PARD3B: variants seen among roughly 807,000 people sequenced by gnomAD.
The protein encoded by PARD3B is partitioning defective 3 homolog B.
PARD3B carries 103 observed loss-of-function variants against 130.2 expected under a neutral mutation model. The ratio of observed to expected loss-of-function variants is 0.79; its 90% CI spans 0.67 to 0.93. The LOEUF (loss-of-function observed/expected upper bound fraction) is 0.93. PARD3B is among the 40% of genes least tolerant of loss of function. The pLI, the probability that PARD3B is intolerant of heterozygous loss-of-function variation, is 0.00. For missense variants in PARD3B, 1,609 were observed against 1,499.2 expected (o/e 1.07, Z -1.21); for synonymous variants, 583 against 553.2 (o/e 1.05, Z -0.76).
At chr2:205,403,712 A>G (rs536894069) in intron 19 of PARD3B, among the ~76,000 whole-genome samples, 2 of 152,300 alleles carry the variant, frequency 1.3e-5, no homozygotes, top group African/African-American at 4.8e-5. Flanking sequence ...CACAAGCCCA[A>G]GGTGATTCGT....
At chr2:204,860,977 A>C (rs2045160075) in intron 2 of PARD3B, among the ~76,000 whole-genome samples, 1 of 152,280 alleles carries the variant, frequency 6.6e-6, no homozygotes, top group South Asian at 2.1e-4. Flanking sequence ...TTCCCTGCAA[A>C]TGCTATACAT....
chr2:205,060,439 CAG>C (rs1700001545), intron 4 of PARD3B, among the ~76,000 whole-genome samples: 1 of 152,082 alleles, frequency 6.6e-6, no homozygotes, highest in African/African-American at 2.4e-5. Flanking sequence ...CTGAAAGCAG[CAG>C]AGTTTTAGAA....
At position 205,386,098 on chromosome 2, in the gene PARD3B, T is replaced by C. The variant is rs140985688; in HGVS notation, c.2631-14915T>C. On this transcript the variant is annotated intron_variant, in intron 18 of 22. Transcript: ENST00000406610. ...TTTTAGAGCTCTAGATCTGCAATTC[T>C]GCGATATTACAAAGTCTGGAATCGT... Among the ~76,000 whole-genome samples, 1,045 of 152,322 alleles carry C rather than the reference T, an allele frequency of 6.9e-3. 9 individuals are homozygous for C. Among genetic ancestry groups the C allele is most frequent in the African/African-American group, 0.024 (986 of 41,570 alleles).
rs1428321064 is a variant in PARD3B, at chr2:205,011,263, T to A, written c.395-36318T>A. The stretch of plus-strand genomic sequence containing the variant: ...CAGGCATGGCTTAGCTTGGTGATTC[T>A]GGCTCGGGGTTTCCCAAGAGTCTGT... On this transcript the variant is annotated intron_variant, in intron 3 of 22. Coordinates refer to ENST00000406610, the MANE Select transcript of PARD3B (RefSeq NM_001302769.2). This position sits in a 1 kb window ranked among gnomAD's most constrained non-coding sequence, Gnocchi z 4.1. 6.6e-6 allele frequency among the ~76,000 whole-genome samples: 1 copy of A among 152,238 alleles called. No homozygotes were observed. Among genetic ancestry groups the A allele is most frequent in the Non-Finnish European group, 1.5e-5 (1 of 68,028 alleles).
Position 205,226,234 on chromosome 2 carries a change from G to C in PARD3B, c.2141-19544G>C, listed in dbSNP as rs539403071. On this transcript the variant is annotated intron_variant, in intron 15 of 22. Transcript: ENST00000406610. Reference sequence around the variant, plus strand: ...TTTTTTGTGTTTTTAGTAGAGACGAGGTTTCATCGTGTTAGCCAGGATGGT... The same window carrying C: ...TTTTTTGTGTTTTTAGTAGAGACGACGTTTCATCGTGTTAGCCAGGATGGT... 1.6e-4 allele frequency among the ~76,000 whole-genome samples: 24 copies of C among 152,260 alleles called. 1 individual carries two copies. The South Asian group carries it at 4.4e-3, about 28-fold the overall frequency.
Position 205,470,667 on chromosome 2 carries a change from C to T in PARD3B, c.3045-29229C>T, listed in dbSNP as rs1372529339. Among the ~76,000 whole-genome samples, 1 of 152,182 alleles carries T rather than the reference C, an allele frequency of 6.6e-6. No homozygotes were observed. On this transcript the variant is annotated intron_variant, in intron 20 of 22. Transcript: ENST00000406610. This position sits in a 1 kb window ranked among gnomAD's most constrained non-coding sequence, Gnocchi z 4.8. Reference sequence around the variant, plus strand: ...GGCAACCCTGTCTCCCACTTAGATCCTCTGGCTTAGAAACTACTGAAGATC... The same window carrying T: ...GGCAACCCTGTCTCCCACTTAGATCTTCTGGCTTAGAAACTACTGAAGATC...
intron 2 of PARD3B, among the ~76,000 whole-genome samples, chr2:204,798,425 T>C (rs979373877): frequency 2.0e-5 from 3 of 152,074 alleles, no homozygotes; most frequent in Non-Finnish European, 4.4e-5. Context: ...GCTAAAGCAC[T>C]CCGGGGTTCT....
intron 22 of PARD3B, among the ~76,000 whole-genome samples, chr2:205,608,599 A>T (rs2055107509): frequency 6.6e-6 from 1 of 152,156 alleles, no homozygotes; most frequent in Admixed American, 6.5e-5. Flanking sequence ...TGTTCTCAGC[A>T]CCCACTTTAA....
chr2:204,826,165 A>G (rs2043562627), intron 2 of PARD3B, among the ~76,000 whole-genome samples: 1 of 152,158 alleles, frequency 6.6e-6, no homozygotes, highest in East Asian at 1.9e-4. Context: ...GAAAAGTATT[A>G]TATAGTTTGG....
At chr2:205,586,355 C>T (rs1006943865) in intron 22 of PARD3B, among the ~76,000 whole-genome samples, 15 of 152,204 alleles carry the variant, frequency 9.9e-5, no homozygotes, top group Non-Finnish European at 1.5e-5. Context: ...GACTGCAGCT[C>T]AACCTAATGT....
Position 205,057,518 on chromosome 2 carries a change from C to CATATATGTGTATGTGT in PARD3B, c.504+9830_504+9831insATATGTGTATGTGTAT, listed in dbSNP as rs1559397099. ...GTATATATACATATATGTGTATGTGCATGTGTATATATACATATATGTATA... is the reference window on the plus strand; with the variant it reads ...GTATATATACATATATGTGTATGTGCATATATGTGTATGTGTATGTGTATATATACATATATGTATA... On this transcript the variant is annotated intron_variant, in intron 4 of 22. Transcript: ENST00000406610. 3.7e-4 allele frequency among the ~76,000 whole-genome samples: 49 copies of CATATATGTGTATGTGT among 133,872 alleles called. 3 individuals are homozygous for CATATATGTGTATGTGT. The highest frequency in any genetic ancestry group is 6.5e-4 in the East Asian group (3 of 4,620). 87.8% of individuals were successfully genotyped at this position (133,872 alleles called of 152,430 possible).
chr2:205,126,526 G>C (rs1284120332), intron 10 of PARD3B, among the ~76,000 whole-genome samples: 1 of 151,788 alleles, frequency 6.6e-6, no homozygotes, highest in Non-Finnish European at 1.5e-5. Context: ...TGGATCATGA[G>C]GTCAGGAGAT....
chr2:204,915,604 GA>G (rs1299483278), intron 2 of PARD3B, among the ~76,000 whole-genome samples: 1 of 151,850 alleles, frequency 6.6e-6, no homozygotes, highest in African/African-American at 2.4e-5. Flanking sequence ...TTTCACCATG[GA>G]AAAAACCTAC....
rs945527588 is a variant in PARD3B at position 204,610,469 on chromosome 2, C to T, written c.120+64350C>T. On this transcript the variant is annotated intron_variant, in intron 1 of 22. Transcript: ENST00000406610. The surrounding 1 kb of genome is among the most constrained non-coding windows in gnomAD (Gnocchi z 4.1). Reference sequence around the variant, plus strand: ...CTCCCATGTTAAAGCGATTCTCCTGCGTCAGCCTCCCGAGTGGCTGGGATT... The same window carrying T: ...CTCCCATGTTAAAGCGATTCTCCTGTGTCAGCCTCCCGAGTGGCTGGGATT... Among the ~76,000 whole-genome samples the T allele has an allele frequency of 2.6e-5, 4 of 152,176 alleles. No individual in the cohort carries two copies. Among genetic ancestry groups the T allele is most frequent in the South Asian group, 2.1e-4 (1 of 4,826 alleles).
intron 18 of PARD3B, among the ~76,000 whole-genome samples, chr2:205,379,705 A>G (rs2105930764): frequency 6.6e-6 from 1 of 152,234 alleles, no homozygotes; most frequent in South Asian, 2.1e-4. Flanking sequence ...AGCATCTTAT[A>G]TCTCTGCATT....
intron 3 of PARD3B, among the ~76,000 whole-genome samples, chr2:205,019,709 A>G (rs980517933): frequency 3.3e-5 from 5 of 152,126 alleles, no homozygotes; most frequent in African/African-American, 7.2e-5. Context: ...TGTAGTTTTG[A>G]TTTTCATTTC....
At chr2:204,931,070 C>T (rs903566096) in intron 2 of PARD3B, among the ~76,000 whole-genome samples, 5 of 151,714 alleles carry the variant, frequency 3.3e-5, no homozygotes, top group African/African-American at 1.2e-4. Flanking sequence ...GGCTGGATGC[C>T]GATAGAAGGA....
chr2:205,274,154 T>C lies in PARD3B; in HGVS notation c.2186-26376T>C, dbSNP rs549604487. On this transcript the variant is annotated intron_variant, in intron 16 of 22. Transcript: ENST00000406610. The surrounding 1 kb of genome is among the most constrained non-coding windows in gnomAD (Gnocchi z 4.2). ...CTCATATGTATATATATCTTTATCT[T>C]AGATAAATTACTATTGCCTATAATT... Among the ~76,000 whole-genome samples, 23 of 152,294 alleles carry C rather than the reference T, an allele frequency of 1.5e-4. No individual in the cohort carries two copies. The highest frequency in any genetic ancestry group is 3.9e-4 in the East Asian group (2 of 5,192).
chr2:205,053,262 A>C (rs1284749014), intron 4 of PARD3B, among the ~76,000 whole-genome samples: 3 of 152,086 alleles, frequency 2.0e-5, no homozygotes, highest in Non-Finnish European at 4.4e-5. Context: ...AGAGAAATTC[A>C]AATAGCTTGA....
Sources: allele counts gnomAD v4.1 joint callset (sites outside exome capture counted in the v4.1 genomes callset), GRCh38; gene constraint gnomAD v4.1.1; non-coding constraint Gnocchi (gnomAD v3.1); transcripts MANE v1.5; gene names NCBI Gene and HGNC (gene_info 2026-07-23, HGNC 2026-07-21).